Variants in SASH1 observed in about 807,000 individuals in gnomAD.
SASH1 encodes the protein SAM and SH3 domain-containing protein 1.
SASH1 carries 44 observed loss-of-function variants against 125.2 expected under a neutral mutation model. The ratio of observed to expected loss-of-function variants is 0.35; its 90% CI spans 0.28 to 0.45. SASH1 has a LOEUF of 0.45. Among genes scored for constraint, SASH1 ranks in the 20% least tolerant of loss-of-function variants. SASH1 has a pLI of 1.00. For missense variants in SASH1, 1,426 were observed against 1,614.5 expected (o/e 0.88, Z 2.00); for synonymous variants, 639 against 649.1 (o/e 0.98, Z 0.24).
At chr6:148,317,705 G>A (rs529113527) in intron 1 of SASH1, among the ~76,000 whole-genome samples, 10 of 152,274 alleles carry the variant, frequency 6.6e-5, no homozygotes, top group African/African-American at 2.4e-4. Context: ...GATTACAGTC[G>A]TGAGCCACGG....
At chr6:148,538,969 T>C (rs1782050702) in intron 16 of SASH1, among the ~76,000 whole-genome samples, 1 of 152,220 alleles carries the variant, frequency 6.6e-6, no homozygotes, top group African/African-American at 2.4e-5. Flanking sequence ...CAGTGTCCCA[T>C]GTAAGGCTCC....
upstream of SASH1, among the ~76,000 whole-genome samples, chr6:148,340,996 G>A (rs1781302867): frequency 6.6e-6 from 1 of 152,092 alleles, no homozygotes; most frequent in Non-Finnish European, 1.5e-5. Context: ...AATTAGTCTG[G>A]TGCAGCGGTG....
At chr6:148,424,022 A>G (rs907708543) in intron 2 of SASH1, among the ~76,000 whole-genome samples, 23 of 152,068 alleles carry the variant, frequency 1.5e-4, no homozygotes, top group African/African-American at 5.5e-4. Context: ...AAAAAAAAAA[A>G]AATCCCCATC....
At chr6:148,468,202 T>G (rs1375427205) in intron 4 of SASH1, among the ~76,000 whole-genome samples, 1 of 152,228 alleles carries the variant, frequency 6.6e-6, no homozygotes, top group Non-Finnish European at 1.5e-5. Context: ...TGCTTTCTCT[T>G]TTCCTCTTAC....
the SASH1 span, among the ~76,000 whole-genome samples, chr6:148,210,838 T>C: frequency 6.6e-6 from 1 of 152,220 alleles, no homozygotes; most frequent in Non-Finnish European, 1.5e-5. Flanking sequence ...TATAGAATTG[T>C]AGTAGATCTT....
chr6:148,240,741 A>G, the SASH1 span, among the ~76,000 whole-genome samples: 1 of 152,214 alleles, frequency 6.6e-6, no homozygotes, highest in Non-Finnish European at 1.5e-5. Context: ...CATGATAAAG[A>G]GGAAGATATT....
At chr6:148,300,943 C>T (rs1327193086) in intron 1 of SASH1, among the ~76,000 whole-genome samples, 1 of 152,032 alleles carries the variant, frequency 6.6e-6, no homozygotes, top group Non-Finnish European at 1.5e-5. Context: ...CATTGCAGTT[C>T]TATATCTTTG....
chr6:148,360,574 A>G (rs1363668385), intron 1 of SASH1, among the ~76,000 whole-genome samples: 2 of 149,954 alleles, frequency 1.3e-5, no homozygotes, highest in African/African-American at 2.5e-5. Context: ...CTGGTCTCAA[A>G]CTCCTGACTG....
intron 4 of SASH1, among the ~76,000 whole-genome samples, chr6:148,451,317 G>A (rs1022460358): frequency 6.6e-6 from 1 of 152,240 alleles, no homozygotes; most frequent in Non-Finnish European, 1.5e-5. Flanking sequence ...TGTCTCCCCA[G>A]ACTGACGGTG....
chr6:148,502,098 T>C (rs1258585843), intron 8 of SASH1, among the ~76,000 whole-genome samples: 2 of 152,218 alleles, frequency 1.3e-5, no homozygotes, highest in African/African-American at 4.8e-5. Context: ...ATCATGTAAT[T>C]ATCTTCTTCT....
chr6:148,259,322 T>C, the SASH1 span, among the ~76,000 whole-genome samples: 1 of 152,210 alleles, frequency 6.6e-6, no homozygotes, highest in Non-Finnish European at 1.5e-5. Context: ...CCAATGCCCA[T>C]GGTGTAAACA....
intron 1 of SASH1, among the ~76,000 whole-genome samples, chr6:148,304,889 G>C (rs7757346): frequency 0.65 from 98,066 of 151,986 alleles, 31,919 homozygotes; most frequent in Middle Eastern, 0.69. Context: ...TTAGCTGGAC[G>C]TGGTGATGGC....
chr6:148,315,452 C>G (rs749706026), intron 1 of SASH1, among the ~76,000 whole-genome samples: 5 of 152,186 alleles, frequency 3.3e-5, no homozygotes, highest in African/African-American at 4.8e-5. Context: ...CCAATCTGTT[C>G]AACCACTACC....
chr6:148,407,164 C>T (rs749990352), intron 2 of SASH1, among the ~76,000 whole-genome samples: 4 of 152,192 alleles, frequency 2.6e-5, no homozygotes, highest in African/African-American at 7.2e-5. Context: ...GTTCCACCAT[C>T]ACCACCAACC....
intron 1 of SASH1, among the ~76,000 whole-genome samples, chr6:148,332,934 C>T (rs537300169): frequency 1.4e-3 from 209 of 152,214 alleles, no homozygotes; most frequent in African/African-American, 4.8e-3. Flanking sequence ...TTGCAGTGAG[C>T]CGAGATTGTG....
chr6:148,534,033 T>C, intron 15 of SASH1, 53 bp downstream of exon 15: 1 of 1,550,234 alleles, frequency 6.5e-7, no homozygotes, highest in Middle Eastern at 1.7e-4. Context: ...CCTTTTTCTC[T>C]CCTACACTAA....
In SASH1 at chr6:148,532,172, G is replaced by T. The variant is rs1247394558; in HGVS notation, c.1564+511G>T. ...AGCTCACTGCAACCTTCACCTCCCT[G>T]GCTCAAGGGATCCTCCTGCCTCAGC... is the stretch of plus-strand genomic sequence containing the variant. On this transcript the variant is annotated intron_variant, in intron 13 of 19. Transcript: ENST00000367467. The surrounding 1 kb of genome is among the most constrained non-coding windows in gnomAD (Gnocchi z 4.7). Among the ~76,000 whole-genome samples, 1 of 152,082 alleles carries T rather than the reference G, an allele frequency of 6.6e-6. No individual in the cohort carries two copies. The highest frequency in any genetic ancestry group is 1.5e-5 in the Non-Finnish European group (1 of 68,034).
chr6:148,238,998 A>T, the SASH1 span, among the ~76,000 whole-genome samples: 1 of 152,160 alleles, frequency 6.6e-6, no homozygotes. Flanking sequence ...AAAACTGTGA[A>T]TCTGCAAAGT....
rs372647940 is a variant in SASH1, at chr6:148,376,815, C to T, written c.157-13319C>T. ...CCCAGGAATTCGAGGTTACAGTGAA[C>T]GGTGGTTGCAGCACTGCATTCCAGC... On this transcript the variant is annotated intron_variant, in intron 1 of 19. Transcript: ENST00000367467. 6.6e-4 allele frequency among the ~76,000 whole-genome samples: 101 copies of T among 152,028 alleles called. 1 individual carries two copies. Among genetic ancestry groups the T allele is most frequent in the African/African-American group, 2.2e-3 (93 of 41,452 alleles).
Sources: gnomAD v4.1 joint callset for allele counts (sites outside exome capture counted in the v4.1 genomes callset) on GRCh38, gnomAD v4.1.1 for gene constraint, Gnocchi (gnomAD v3.1) non-coding constraint, MANE v1.5 for transcripts, NCBI Gene and HGNC (gene_info 2026-07-23, HGNC 2026-07-21) for gene names.